NPAS3: variants seen among roughly 807,000 people sequenced by gnomAD.
NPAS3 encodes neuronal PAS domain protein 3, also known as neuronal PAS domain-containing protein 3.
Under a neutral mutation model 73.1 loss-of-function variants are expected in NPAS3, and 14 were observed. That is an observed-to-expected ratio of 0.19 (90% confidence interval 0.13 to 0.30). The LOEUF is 0.30. NPAS3 is among the 10% of genes least tolerant of loss of function. The pLI, the probability that NPAS3 is intolerant of heterozygous loss-of-function variation, is 1.00. For missense variants in NPAS3, 1,096 were observed against 1,250.0 expected, an observed-to-expected ratio of 0.88 and a Z score of 1.86; for synonymous variants, 620 against 541.5, an observed-to-expected ratio of 1.14 and a Z score of -2.01.
At chr14:33,170,512 G>A (rs888398644) in intron 2 of NPAS3, among the ~76,000 whole-genome samples, 1 of 152,170 alleles carries the variant, frequency 6.6e-6, no homozygotes, top group Non-Finnish European at 1.5e-5. Context: ...TTTCATTAAA[G>A]ATTTCTCTAG....
intron 2 of NPAS3, among the ~76,000 whole-genome samples, chr14:33,199,707 C>T (rs1054154590): frequency 2.8e-5 from 4 of 143,658 alleles, no homozygotes; most frequent in Non-Finnish European, 4.6e-5. Context: ...GCCCTTTTCC[C>T]CTCCCCCTTC....
intron 1 of NPAS3, among the ~76,000 whole-genome samples, chr14:33,002,495 T>C (rs2038845777): frequency 6.6e-6 from 1 of 152,234 alleles, no homozygotes; most frequent in Admixed American, 6.5e-5. Context: ...GACAAATACA[T>C]GTTAGAGATG....
chr14:33,494,142 C>A (rs1223935244), intron 4 of NPAS3, among the ~76,000 whole-genome samples: 1 of 152,100 alleles, frequency 6.6e-6, no homozygotes, highest in Non-Finnish European at 1.5e-5. Context: ...GTCAGCTGAG[C>A]TCTCTGTTTC....
At chr14:33,338,290 A>G (rs4981185) in intron 3 of NPAS3, among the ~76,000 whole-genome samples, 119,049 of 151,720 alleles carry the variant, frequency 0.78, 47,320 homozygotes, top group African/African-American at 0.92. Flanking sequence ...TGCTGAATCT[A>G]ATTTTTGTGT....
intron 2 of NPAS3, among the ~76,000 whole-genome samples, chr14:33,100,718 C>T (rs981134354): frequency 6.6e-6 from 1 of 152,092 alleles, no homozygotes; most frequent in Non-Finnish European, 1.5e-5. Flanking sequence ...ATATTGTCCC[C>T]TGATCTATGT....
intron 6 of NPAS3, among the ~76,000 whole-genome samples, chr14:33,687,147 C>T (rs561076907): frequency 1.4e-4 from 22 of 152,256 alleles, no homozygotes; most frequent in Middle Eastern, 6.8e-3. Context: ...TAATTATTAA[C>T]GCTCTAGAAA....
At chr14:32,941,309 C>CTCCTTCCTTCCT (rs1226851739) in intron 1 of NPAS3, among the ~76,000 whole-genome samples, 861 of 6,838 alleles carry the variant, frequency 0.13, 100 homozygotes, top group Non-Finnish European at 0.16. Flanking sequence ...CCCTCCCTCC[C>CTCCTTCCTTCCT]TCCTTCCTTC....
intron 1 of NPAS3, among the ~76,000 whole-genome samples, chr14:33,001,382 G>A (rs924149203): frequency 1.3e-5 from 2 of 152,134 alleles, no homozygotes; most frequent in Non-Finnish European, 2.9e-5. Flanking sequence ...GAGGAAAAAG[G>A]CATGGGCTTT....
chr14:33,448,168 AG>A (rs1244775281), intron 4 of NPAS3, among the ~76,000 whole-genome samples: 2 of 152,246 alleles, frequency 1.3e-5, no homozygotes, highest in African/African-American at 4.8e-5. Flanking sequence ...GGGACTGATT[AG>A]GGTTGAAACT....
At chr14:33,321,246 G>C (rs1045343350) in intron 3 of NPAS3, among the ~76,000 whole-genome samples, 1 of 151,988 alleles carries the variant, frequency 6.6e-6, no homozygotes, top group Non-Finnish European at 1.5e-5. Flanking sequence ...TAACTTCAAG[G>C]CAAGATTGTA....
At chr14:33,622,413 A>G (rs966519612) in intron 5 of NPAS3, among the ~76,000 whole-genome samples, 1 of 152,220 alleles carries the variant, frequency 6.6e-6, no homozygotes, top group Non-Finnish European at 1.5e-5. Context: ...TCCCTTGATA[A>G]TTCAGGCAAC....
chr14:33,076,427 T>A (rs2041660951), intron 2 of NPAS3, among the ~76,000 whole-genome samples: 1 of 152,234 alleles, frequency 6.6e-6, no homozygotes, highest in Admixed American at 6.5e-5. Context: ...TTTATGGTAT[T>A]TGTTAACGAT....
rs184235273 is a variant in NPAS3 at position 33,628,969 on chromosome 14, C to T, written c.559-47242C>T. Among the ~76,000 whole-genome samples, 503 of 152,062 alleles carry T rather than the reference C, an allele frequency of 3.3e-3. 3 individuals are homozygous for T. The highest frequency in any genetic ancestry group is 0.012 in the African/African-American group (481 of 41,480). ...GGAGCGGGCCGGGCGCAGTGGCTCA[C>T]GCCTGTAATCCCAGCACTTTGGGAG... On this transcript the variant is annotated intron_variant, in intron 5 of 11. Transcript: ENST00000356141.
intron 4 of NPAS3, among the ~76,000 whole-genome samples, chr14:33,395,411 T>TA (rs1239922646): frequency 6.6e-6 from 1 of 151,906 alleles, no homozygotes; most frequent in East Asian, 1.9e-4. Flanking sequence ...TTCAAGTTTT[T>TA]TTTTTACCTT....
chr14:33,494,794 C>T (rs539120397), intron 4 of NPAS3, among the ~76,000 whole-genome samples: 18 of 152,186 alleles, frequency 1.2e-4, no homozygotes, highest in Admixed American at 4.6e-4. Flanking sequence ...ATATATGTCA[C>T]TGCCCTTCCT....
At chr14:32,961,617 A>G (rs2036923694) in intron 1 of NPAS3, among the ~76,000 whole-genome samples, 1 of 151,998 alleles carries the variant, frequency 6.6e-6, no homozygotes, top group Admixed American at 6.6e-5. Flanking sequence ...CATCATCATG[A>G]TCATTGTCAT....
intron 1 of NPAS3, among the ~76,000 whole-genome samples, chr14:32,984,173 G>C (rs2038008965): frequency 6.6e-6 from 1 of 152,178 alleles, no homozygotes; most frequent in African/African-American, 2.4e-5. Flanking sequence ...CCAATCTTTA[G>C]ATGCAACCCT....
intron 4 of NPAS3, among the ~76,000 whole-genome samples, chr14:33,541,096 GGTGTGT>G (rs140503260): frequency 1.5e-4 from 22 of 142,780 alleles, no homozygotes; most frequent in Non-Finnish European, 2.7e-4. Flanking sequence ...TATGTTTAGA[GGTGTGT>G]GTGTGTGTGT....
At chr14:33,349,852 T>A (rs1321266363) in intron 3 of NPAS3, among the ~76,000 whole-genome samples, 1 of 152,202 alleles carries the variant, frequency 6.6e-6, no homozygotes, top group Non-Finnish European at 1.5e-5. Context: ...AGTACCTTTA[T>A]ATCCTTTTGT....
Sources: gnomAD v4.1 joint callset for allele counts (sites outside exome capture counted in the v4.1 genomes callset) on GRCh38, gnomAD v4.1.1 for gene constraint, MANE v1.5 for transcripts, NCBI Gene and HGNC (gene_info 2026-07-23, HGNC 2026-07-21) for gene names.